The following CLYBL variants were observed in gnomAD, a reference collection of about 807,000 sequenced individuals.
CLYBL encodes the protein citramalyl-CoA lyase.
In CLYBL, 31 loss-of-function variants were observed where a neutral mutation model predicts 38.9. The observed-to-expected ratio is 0.80, with a 90% confidence interval of 0.60 to 1.08. The LOEUF is 1.08. Among genes scored for constraint, CLYBL ranks in the 50% least tolerant of loss-of-function variants. CLYBL has a pLI of 0.00. For missense variants in CLYBL, 434 were observed against 411.6 expected, an observed-to-expected ratio of 1.05 and a Z score of -0.47; for synonymous variants, 171 against 158.6, an observed-to-expected ratio of 1.08 and a Z score of -0.59.
At chr13:99,834,381 C>T (rs1327949512) in intron 2 of CLYBL, among the ~76,000 whole-genome samples, 1 of 152,188 alleles carries the variant, frequency 6.6e-6, no homozygotes, top group East Asian at 1.9e-4. Context: ...TCAGTCCTGA[C>T]TCATATAGGG....
intron 9 of CLYBL, among the ~76,000 whole-genome samples, chr13:99,907,717 G>A (rs2052711132): frequency 6.6e-6 from 1 of 152,040 alleles, no homozygotes; most frequent in Admixed American, 6.6e-5. Flanking sequence ...AATAAAGCTG[G>A]GCATGGTAGT....
In CLYBL at chr13:99,869,878, A is replaced by G. The variant is rs2051840142; in HGVS notation, c.803-1060A>G. Among the ~76,000 whole-genome samples, 1 of 152,090 alleles carries G rather than the reference A, an allele frequency of 6.6e-6. No homozygotes were observed. ...GTGTACATTCATTTTTAAAGAGCCA[A>G]TTATGTTCATAACTTTATCACGTAA... On this transcript the variant is annotated intron_variant, in intron 6 of 8. Coordinates refer to ENST00000339105, the MANE Select transcript of CLYBL (RefSeq NM_206808.5). The surrounding 1 kb of genome is among the most constrained non-coding windows in gnomAD (Gnocchi z 4.3).
chr13:99,751,548 A>G (rs951503132), intron 1 of CLYBL, among the ~76,000 whole-genome samples: 1 of 152,196 alleles, frequency 6.6e-6, no homozygotes, highest in Non-Finnish European at 1.5e-5. Context: ...GCTGAGTGAA[A>G]TAAACCAGTC....
chr13:99,852,379 C>T (rs938547444), intron 2 of CLYBL, among the ~76,000 whole-genome samples: 5 of 152,190 alleles, frequency 3.3e-5, no homozygotes, highest in African/African-American at 4.8e-5. Flanking sequence ...GCTGAGACTA[C>T]AGCTGTGTGC....
intron 9 of CLYBL, among the ~76,000 whole-genome samples, chr13:99,907,916 G>A (rs1594259544): frequency 6.6e-6 from 1 of 152,178 alleles, no homozygotes; most frequent in East Asian, 1.9e-4. Context: ...CTTTGGGCAT[G>A]GGCTTGCGAG....
chr13:99,841,813 T>TTTCC (rs1491160756), intron 2 of CLYBL, among the ~76,000 whole-genome samples: 32 of 22,480 alleles, frequency 1.4e-3, no homozygotes, highest in Non-Finnish European at 2.3e-3. Flanking sequence ...TTTCTTTTCC[T>TTTCC]TTTTTTTTTT....
At chr13:99,801,993 G>T (rs2050145183) in intron 2 of CLYBL, among the ~76,000 whole-genome samples, 1 of 152,176 alleles carries the variant, frequency 6.6e-6, no homozygotes, top group South Asian at 2.1e-4. Flanking sequence ...TCCAGCCTGG[G>T]CAACAAGAGT....
At chr13:99,761,544 T>G (rs934009993) in intron 1 of CLYBL, among the ~76,000 whole-genome samples, 34 of 152,212 alleles carry the variant, frequency 2.2e-4, no homozygotes, top group African/African-American at 7.9e-4. Flanking sequence ...ACACACACAT[T>G]CACGTAACAG....
chr13:99,749,735 C>T (rs529509636), intron 1 of CLYBL, among the ~76,000 whole-genome samples: 10 of 152,354 alleles, frequency 6.6e-5, no homozygotes, highest in African/African-American at 2.4e-4. Context: ...ATTGGCACCA[C>T]ATGCTAATCT....
intron 7 of CLYBL, among the ~76,000 whole-genome samples, chr13:99,872,307 C>T (rs1426246569): frequency 6.6e-6 from 1 of 152,180 alleles, no homozygotes; most frequent in Non-Finnish European, 1.5e-5. Context: ...TAAATAGCAT[C>T]TTTCCATTTC....
chr13:99,698,926 C>G (rs1364410951), intron 1 of CLYBL, among the ~76,000 whole-genome samples: 1 of 152,188 alleles, frequency 6.6e-6, no homozygotes. Context: ...TTATAGCACA[C>G]CGCCAGAAGG....
At chr13:99,898,892 T>C (rs1392591599), downstream of CLYBL, among the ~76,000 whole-genome samples, 1 of 152,218 alleles carries the variant, frequency 6.6e-6, no homozygotes, top group Non-Finnish European at 1.5e-5. Flanking sequence ...GCCTTGAATA[T>C]TGAACATTGT....
At chr13:99,607,203 T>C (rs2046540789) in intron 1 of CLYBL, among the ~76,000 whole-genome samples, 1 of 55,530 alleles carries the variant, frequency 1.8e-5, no homozygotes, top group Non-Finnish European at 4.5e-5. Flanking sequence ...TATCTATTGA[T>C]TTTTGTGCAT....
At chr13:99,692,284 TTG>T (rs1389184089) in intron 1 of CLYBL, among the ~76,000 whole-genome samples, 250 of 117,848 alleles carry the variant, frequency 2.1e-3, no homozygotes, top group South Asian at 6.0e-3. Flanking sequence ...TTTGTTTTTT[TTG>T]TTTTTTTTTT....
chr13:99,680,654 A>G (rs1376483082), intron 1 of CLYBL, among the ~76,000 whole-genome samples: 2 of 152,226 alleles, frequency 1.3e-5, no homozygotes, highest in African/African-American at 2.4e-5. Flanking sequence ...CCATCACAGA[A>G]TGGCCCACCA....
At chr13:99,796,100 T>C (rs1327979921) in intron 2 of CLYBL, among the ~76,000 whole-genome samples, 2 of 152,000 alleles carry the variant, frequency 1.3e-5, no homozygotes, top group African/African-American at 4.8e-5. Context: ...GAGCCCAAAT[T>C]TGTGGTCAAG....
At chr13:99,754,425 A>G (rs1432956356) in intron 1 of CLYBL, among the ~76,000 whole-genome samples, 5 of 149,926 alleles carry the variant, frequency 3.3e-5, no homozygotes, top group Non-Finnish European at 7.4e-5. Flanking sequence ...TCAAAAAAAA[A>G]AAAAAAAAAA....
At chr13:99,760,549 G>A (rs1594164963) in intron 1 of CLYBL, among the ~76,000 whole-genome samples, 2 of 152,302 alleles carry the variant, frequency 1.3e-5, no homozygotes, top group South Asian at 2.1e-4. Context: ...CCCTCACTTT[G>A]AAGGACAGTT....
At position 99,866,385 on chromosome 13, in the gene CLYBL, A is replaced by C; in HGVS notation, c.780A>C (p.Glu260Asp). The stretch of plus-strand genomic sequence containing the variant: ...CTGGGCTGCTTAGACAGTCACGAGA[A>C]GGAGCCGCCATGGGCTTCACTGGTA... ...DGAGLLRQSR[E>D]GAAMGFTGKQ... The change falls in exon 6 of 9, where the codon GAA becomes GAC. Residue 260 changes from glutamate (E) to aspartate (D), a missense_variant. Physicochemically the swap from Glu to Asp is conservative, Grantham distance 45. Transcript: ENST00000339105. 6.2e-7 allele frequency: 1 copy of C among 1,613,732 alleles called. No homozygotes were observed.
Sources: gnomAD v4.1 joint callset for allele counts (sites outside exome capture counted in the v4.1 genomes callset) on GRCh38, gnomAD v4.1.1 for gene constraint, Gnocchi (gnomAD v3.1) non-coding constraint, MANE v1.5 for transcripts, NCBI Gene and HGNC (gene_info 2026-07-23, HGNC 2026-07-21) for gene names.